TENM3: variants seen among roughly 807,000 people sequenced by gnomAD.
The protein encoded by TENM3 is teneurin transmembrane protein 3, also known as teneurin-3.
TENM3 carries 63 observed loss-of-function variants against 255.1 expected under a neutral mutation model. The observed-to-expected ratio is 0.25, with a 90% confidence interval of 0.20 to 0.30. The LOEUF is 0.30. Ranked by LOEUF, TENM3 falls within the 10% of genes least tolerant of loss-of-function variation. The pLI, the probability that TENM3 is intolerant of heterozygous loss-of-function variation, is 1.00. For missense variants in TENM3, 2,929 were observed against 3,461.1 expected (o/e 0.85, Z 3.86); for synonymous variants, 1,306 against 1,322.3 (o/e 0.99, Z 0.27).
At chr4:182,353,356 C>T (rs189672843) in intron 3 of TENM3, among the ~76,000 whole-genome samples, 200 of 152,180 alleles carry the variant, frequency 1.3e-3, no homozygotes, top group African/African-American at 2.5e-3. Flanking sequence ...GGCCCTCTTC[C>T]GGCATGTAAT....
chr4:182,059,421 T>G, the TENM3 span, among the ~76,000 whole-genome samples: 7 of 152,174 alleles, frequency 4.6e-5, no homozygotes, highest in Admixed American at 3.9e-4. Context: ...AAATTCTTTT[T>G]GTGATTGTTT....
rs533362330 is a variant in TENM3 at position 182,633,386 on chromosome 4, C to T, written c.988+4497C>T. Among the ~76,000 whole-genome samples, 10 of 152,302 alleles carry T rather than the reference C, an allele frequency of 6.6e-5. No individual in the cohort carries two copies. In the East Asian group the frequency reaches 1.4e-3, roughly 21 times the overall value. ...GACGCTCATAGTCAAGTGATGAGGA[C>T]GTGCATAAAAACACTCTTAACACCA... is the stretch of plus-strand genomic sequence containing the variant. On this transcript the variant is annotated intron_variant, in intron 5 of 27. Coordinates refer to ENST00000511685, the MANE Select transcript of TENM3 (RefSeq NM_001080477.4).
At chr4:181,867,950 A>C in the TENM3 span, among the ~76,000 whole-genome samples, 2 of 152,170 alleles carry the variant, frequency 1.3e-5, no homozygotes, top group Non-Finnish European at 2.9e-5. Flanking sequence ...ATTTTCTTGG[A>C]GGGAGAGGGA....
At chr4:181,975,135 CT>C in the TENM3 span, 323 of 119,326 alleles carry the variant, frequency 2.7e-3, no homozygotes, top group African/African-American at 6.5e-3. Context: ...TGGAGTAGCT[CT>C]TTTTTTTTTT....
At chr4:181,711,820 G>A in the TENM3 span, among the ~76,000 whole-genome samples, 1,560 of 152,168 alleles carry the variant, frequency 0.01, 28 homozygotes, top group African/African-American at 0.035. Context: ...TCCAATCTCC[G>A]TGCCTTTGTT....
chr4:182,342,798 T>A (rs1764569365), intron 2 of TENM3, among the ~76,000 whole-genome samples: 2 of 152,152 alleles, frequency 1.3e-5, no homozygotes, highest in Admixed American at 1.3e-4. Flanking sequence ...CTGAGACTAG[T>A]CCCTCGGGTA....
At chr4:181,572,015 G>A in the TENM3 span, among the ~76,000 whole-genome samples, 50,490 of 152,032 alleles carry the variant, frequency 0.33, 8,692 homozygotes, top group Middle Eastern at 0.4. Context: ...CATTTTTATC[G>A]CTGTAGCATA....
chr4:181,825,943 A>T, the TENM3 span, among the ~76,000 whole-genome samples: 1 of 152,186 alleles, frequency 6.6e-6, no homozygotes, highest in African/African-American at 2.4e-5. Context: ...GGGACTCTCC[A>T]GAGTATATTC....
In TENM3 at chr4:182,346,276, G is replaced by A. The variant is rs569889223; in HGVS notation, c.233-375G>A. Among the ~76,000 whole-genome samples, 326 of 152,238 alleles carry A rather than the reference G, an allele frequency of 2.1e-3. 5 individuals are homozygous for A. In the South Asian group the frequency reaches 0.023, roughly 11 times the overall value. ...ATTTTATTGTTGGGGACTCGAGCCAGGACACAGAAAATAATTCTGACAATT... is the reference window on the plus strand; with the variant it reads ...ATTTTATTGTTGGGGACTCGAGCCAAGACACAGAAAATAATTCTGACAATT... On this transcript the variant is annotated intron_variant, in intron 2 of 27. Transcript: ENST00000511685.
chr4:181,824,273 T>TC, the TENM3 span, among the ~76,000 whole-genome samples: 3 of 151,488 alleles, frequency 2.0e-5, no homozygotes, highest in African/African-American at 7.3e-5. Flanking sequence ...GGCTAATTTT[T>TC]TTTTTTTTTT....
the TENM3 span, among the ~76,000 whole-genome samples, chr4:181,858,002 A>G: frequency 6.6e-6 from 1 of 152,226 alleles, no homozygotes; most frequent in Non-Finnish European, 1.5e-5. Context: ...GGACCCAGCG[A>G]TCCTGAACAT....
chr4:181,464,580 T>C, the TENM3 span, among the ~76,000 whole-genome samples: 1 of 152,208 alleles, frequency 6.6e-6, no homozygotes, highest in African/African-American at 2.4e-5. Context: ...TTTGTTAGTA[T>C]TTCCTTTCAT....
At chr4:181,856,154 AAGGGAAGGAAAG>A in the TENM3 span, among the ~76,000 whole-genome samples, 81 of 143,030 alleles carry the variant, frequency 5.7e-4, no homozygotes, top group African/African-American at 2.1e-3. Context: ...GAAGGAAGGA[AAGGGAAGGAAAG>A]GGAAGGAAAG....
intron 3 of TENM3, among the ~76,000 whole-genome samples, chr4:182,380,126 G>C (rs4862052): frequency 1 from 151,760 of 152,248 alleles, 75,637 homozygotes; most frequent in Middle Eastern, 1. Flanking sequence ...AAAAAATTAG[G>C]CGGGCCTGGT....
intron 3 of TENM3, among the ~76,000 whole-genome samples, chr4:182,502,515 T>C (rs529147828): frequency 6.6e-6 from 1 of 152,262 alleles, no homozygotes; most frequent in Admixed American, 6.5e-5. Context: ...TTTTCAAGTT[T>C]TCATTGTACA....
chr4:182,500,548 T>G (rs546862895), intron 3 of TENM3, among the ~76,000 whole-genome samples: 1 of 152,172 alleles, frequency 6.6e-6, no homozygotes, highest in Non-Finnish European at 1.5e-5. Flanking sequence ...AAGCACAATT[T>G]AGCAGTATAT....
the TENM3 span, among the ~76,000 whole-genome samples, chr4:181,500,416 G>A: frequency 6.6e-6 from 1 of 151,940 alleles, no homozygotes; most frequent in African/African-American, 2.4e-5. Flanking sequence ...TGGACACAGG[G>A]AACAAACAAA....
chr4:181,454,826 G>GGTGTGTA, the TENM3 span, among the ~76,000 whole-genome samples: 5 of 151,766 alleles, frequency 3.3e-5, no homozygotes, highest in African/African-American at 4.8e-5. Flanking sequence ...TTACAGCCTA[G>GGTGTGTA]GTGTGTAGTC....
intron 1 of TENM3, among the ~76,000 whole-genome samples, chr4:182,150,685 G>C (rs1025910421): frequency 3.3e-5 from 5 of 151,874 alleles, no homozygotes; most frequent in African/African-American, 1.2e-4. Flanking sequence ...ACTTATAAAG[G>C]CCACTTACCT....
Sources: allele counts gnomAD v4.1 joint callset (sites outside exome capture counted in the v4.1 genomes callset), GRCh38; gene constraint gnomAD v4.1.1; transcripts MANE v1.5; gene names NCBI Gene and HGNC (gene_info 2026-07-23, HGNC 2026-07-21).